The following NWD2 variants were observed in gnomAD, a reference collection of about 807,000 sequenced individuals.
NWD2 encodes NACHT and WD repeat domain containing 2.
Under a neutral mutation model 132.7 loss-of-function variants are expected in NWD2, and 37 were observed. That is an observed-to-expected ratio of 0.28 (90% confidence interval 0.21 to 0.37). The LOEUF (loss-of-function observed/expected upper bound fraction) is 0.37. Among genes scored for constraint, NWD2 ranks in the 10% least tolerant of loss-of-function variants. The pLI is 1.00. For synonymous variants in NWD2, 705 were observed against 803.0 expected (o/e 0.88, Z 2.06); for missense variants, 1,592 against 2,122.4 (o/e 0.75, Z 4.91).
intron 2 of NWD2, among the ~76,000 whole-genome samples, chr4:37,336,972 C>CT (rs1483891804): frequency 5.3e-4 from 45 of 84,990 alleles, no homozygotes; most frequent in Non-Finnish European, 8.3e-4. Flanking sequence ...AAAAAAAAAA[C>CT]AAGAAATTGT....
chr4:37,362,557 T>A (rs1720001659), intron 3 of NWD2, among the ~76,000 whole-genome samples: 1 of 152,038 alleles, frequency 6.6e-6, no homozygotes, highest in African/African-American at 2.4e-5. Context: ...TTGACACAAA[T>A]AAGCAATGGG....
chr4:37,289,957 C>A (rs1718324806), intron 1 of NWD2, among the ~76,000 whole-genome samples: 1 of 152,000 alleles, frequency 6.6e-6, no homozygotes, highest in African/African-American at 2.4e-5. Context: ...GTCGAATGAA[C>A]AATCTATTTT....
intron 3 of NWD2, among the ~76,000 whole-genome samples, chr4:37,427,557 A>C (rs1712040022): frequency 6.6e-6 from 1 of 152,338 alleles, no homozygotes; most frequent in East Asian, 1.9e-4. Flanking sequence ...AGGCTAATAC[A>C]GTGGGTTGGG....
intron 2 of NWD2, among the ~76,000 whole-genome samples, chr4:37,327,000 T>C (rs4146678): frequency 0.93 from 141,630 of 152,218 alleles, 66,730 homozygotes; most frequent in Non-Finnish European, 1. Flanking sequence ...CACATTGAAT[T>C]GTCACTCATA....
chr4:37,310,357 C>T (rs1718808623), intron 1 of NWD2, among the ~76,000 whole-genome samples: 2 of 152,076 alleles, frequency 1.3e-5, no homozygotes, highest in Non-Finnish European at 2.9e-5. Flanking sequence ...ATTTATTTAC[C>T]TTGGTAGTAC....
intron 1 of NWD2, among the ~76,000 whole-genome samples, chr4:37,313,868 G>T (rs779425471): frequency 1.3e-5 from 2 of 150,646 alleles, no homozygotes; most frequent in Non-Finnish European, 2.9e-5. Context: ...CCTCCTAATT[G>T]TTGTATTTTA....
chr4:37,280,508 G>A (rs187499154), intron 1 of NWD2, among the ~76,000 whole-genome samples: 156 of 152,230 alleles, frequency 1.0e-3, no homozygotes, highest in Non-Finnish European at 1.9e-3. Context: ...CAGACATAGG[G>A]AGAACGTGCA....
At chr4:37,396,125 G>C (rs1174829172) in intron 3 of NWD2, among the ~76,000 whole-genome samples, 1 of 152,146 alleles carries the variant, frequency 6.6e-6, no homozygotes, top group Admixed American at 6.5e-5. Flanking sequence ...CTGCCGTCTT[G>C]CATGCCATCA....
intron 3 of NWD2, among the ~76,000 whole-genome samples, chr4:37,423,361 C>A (rs1230521756): frequency 6.6e-6 from 1 of 152,092 alleles, no homozygotes; most frequent in Non-Finnish European, 1.5e-5. Context: ...TCCAGAGAAA[C>A]AAAATTAATC....
chr4:37,249,832 T>G (rs915393958), intron 1 of NWD2, among the ~76,000 whole-genome samples: 1 of 152,202 alleles, frequency 6.6e-6, no homozygotes, highest in Non-Finnish European at 1.5e-5. Flanking sequence ...TCTGCATGGC[T>G]TTGCATCTTC....
At chr4:37,372,365 G>C (rs559471325) in intron 3 of NWD2, among the ~76,000 whole-genome samples, 1 of 152,278 alleles carries the variant, frequency 6.6e-6, no homozygotes, top group South Asian at 2.1e-4. Flanking sequence ...GGTAATAACT[G>C]AAAAAGAATA....
rs1712612475 is a variant in NWD2 at position 37,445,616 on chromosome 4, C to G, written c.3628C>G (p.Leu1210Val). Residue 1210 changes from leucine (L) to valine (V), a missense_variant, in exon 7 of 7, where the codon CTC becomes GTC. Transcript: ENST00000309447. This position sits in a 1 kb window ranked among gnomAD's most constrained non-coding sequence, Gnocchi z 4.7. ...DQSAVLICKA[L>V]SIELLDTGLW... is the part of the protein sequence containing the mutation. ...AAGTGCAGTTCTGATCTGTAAAGCC[C>G]TCAGCATTGAGCTCTTAGATACTGG... 2 of 1,552,154 alleles carry G rather than the reference C, an allele frequency of 1.3e-6. No homozygotes were observed. The highest frequency in any genetic ancestry group is 1.4e-5 in the African/African-American group (1 of 73,032).
At chr4:37,415,893 G>T (rs551970210) in intron 3 of NWD2, among the ~76,000 whole-genome samples, 1 of 152,262 alleles carries the variant, frequency 6.6e-6, no homozygotes, top group Non-Finnish European at 1.5e-5. Context: ...CCTCCGTCAA[G>T]TTCTCAGGCC....
At chr4:37,340,753 A>G (rs1719503769) in intron 2 of NWD2, among the ~76,000 whole-genome samples, 1 of 152,248 alleles carries the variant, frequency 6.6e-6, no homozygotes, top group African/African-American at 2.4e-5. Flanking sequence ...AAATTCTAAC[A>G]GTATATAGAA....
chr4:37,424,659 T>C (rs914000010), intron 3 of NWD2, among the ~76,000 whole-genome samples: 1 of 150,056 alleles, frequency 6.7e-6, no homozygotes, highest in Non-Finnish European at 1.5e-5. Context: ...AGATCTCTTT[T>C]CCTTTACAGC....
At chr4:37,422,199 C>A (rs1393413546) in intron 3 of NWD2, among the ~76,000 whole-genome samples, 3 of 152,288 alleles carry the variant, frequency 2.0e-5, no homozygotes, top group East Asian at 3.9e-4. Context: ...TCAATTCCTG[C>A]AAACATAGCT....
chr4:37,324,264 T>A (rs1452248865), intron 1 of NWD2, among the ~76,000 whole-genome samples: 2 of 152,190 alleles, frequency 1.3e-5, no homozygotes, highest in Non-Finnish European at 2.9e-5. Flanking sequence ...TAAGAAACAA[T>A]AAGTTTCTGT....
In NWD2 at chr4:37,437,017, A is replaced by C. The variant is rs539327499; in HGVS notation, c.707-1784A>C. Among the ~76,000 whole-genome samples the C allele has an allele frequency of 2.9e-4, 44 of 152,294 alleles. 1 individual carries two copies. The South Asian group carries it at 8.7e-3, about 30-fold the overall frequency. On this transcript the variant is annotated intron_variant, in intron 5 of 6. Transcript: ENST00000309447. Reference sequence around the variant, plus strand: ...ATTTAGGTTGAAAATTTCCATTGAAAGGCTCTCATTACTGAAAAAATATTA... The same window carrying C: ...ATTTAGGTTGAAAATTTCCATTGAACGGCTCTCATTACTGAAAAAATATTA...
At chr4:37,340,111 A>C (rs1719489196) in intron 2 of NWD2, among the ~76,000 whole-genome samples, 2 of 152,334 alleles carry the variant, frequency 1.3e-5, no homozygotes, top group African/African-American at 4.8e-5. Context: ...GTCCCTTGAA[A>C]AAATTAACAT....
Sources: gnomAD v4.1 joint callset for allele counts (sites outside exome capture counted in the v4.1 genomes callset) on GRCh38, gnomAD v4.1.1 for gene constraint, Gnocchi (gnomAD v3.1) non-coding constraint, MANE v1.5 for transcripts, NCBI Gene and HGNC (gene_info 2026-07-23, HGNC 2026-07-21) for gene names.